The following SPTBN5 variants were observed in gnomAD, a reference collection of about 807,000 sequenced individuals.
The protein encoded by SPTBN5 is spectrin beta chain, non-erythrocytic 5.
In SPTBN5, 513 loss-of-function variants were observed where a neutral mutation model predicts 477.6. The ratio of observed to expected loss-of-function variants is 1.07; its 90% CI spans 1.00 to 1.16. The LOEUF (loss-of-function observed/expected upper bound fraction) is 1.16, where lower values mean the gene tolerates loss of function less well. Ranked by LOEUF, SPTBN5 falls within the 50% of genes most tolerant of loss-of-function variation. The pLI is 0.00. For missense variants in SPTBN5, 5,062 were observed against 4,731.8 expected, an observed-to-expected ratio of 1.07 and a Z score of -2.05; for synonymous variants, 2,169 against 2,011.7, an observed-to-expected ratio of 1.08 and a Z score of -2.09.
rs539678228 is a variant in SPTBN5, at chr15:41,855,210, C to A, written c.9423+14G>T. The stretch of plus-strand genomic sequence containing the variant: ...CTGCCCACTCCCCGTGAGGTTTGCT[C>A]AGGAGTAACTCACCTTGACACCCTC... On this transcript the variant is annotated intron_variant, in intron 55 of 67. Transcript: ENST00000320955. 10 of 1,601,306 alleles carry A rather than the reference C, an allele frequency of 6.2e-6. No homozygotes were observed. The Admixed American group carries it at 1.3e-4, about 22-fold the overall frequency.
rs2065789294 is a variant in SPTBN5 at position 41,852,266 on chromosome 15, A to C, written c.10500T>G (p.Ala3500=). The C allele has an allele frequency of 5.6e-6, 9 of 1,607,344 alleles. No homozygotes were observed. The highest frequency in any genetic ancestry group is 1.7e-5 in the Admixed American group (1 of 59,248). ...LQPQELKPGR[A]GSSLTSFQWR... ...ACTGAAAGGATGTCAGCGAGCTGCCAGCTCTCCCGGGCTTCAGCTCCTGTG... is the reference window on the plus strand; with the variant it reads ...ACTGAAAGGATGTCAGCGAGCTGCCCGCTCTCCCGGGCTTCAGCTCCTGTG... The change falls in exon 62 of 68, where the codon GCT becomes GCG. Residue 3500 remains alanine (A), a synonymous_variant. Coordinates refer to ENST00000320955, the MANE Select transcript of SPTBN5 (RefSeq NM_016642.4).
In SPTBN5 at chr15:41,874,215, A is replaced by G. The variant is rs1280144732; in HGVS notation, c.4689+77T>C. On this transcript the variant is annotated intron_variant, in intron 24 of 67. Coordinates refer to ENST00000320955, the MANE Select transcript of SPTBN5 (RefSeq NM_016642.4). ...GGGGTGAGGGCTTAGAGGCCAGGAC[A>G]CCTGAGTAGGGGCAGAGGGTTTCTA... 2.0e-6 allele frequency: 3 copies of G among 1,536,746 alleles called. No homozygotes were observed. In the African/African-American group the frequency reaches 4.1e-5, roughly 21 times the overall value.
Position 41,881,147 on chromosome 15 carries a change from C to T in SPTBN5, c.2545G>A (p.Ala849Thr), listed in dbSNP as rs746907642. ...TCAGCTGGGAGGGCCATCTTCCAGG[C>T]ATCCCCAGGGCCAGGGTGGCAGGAA... ...EASCHPGPGD[A>T]WKMALPAEPD... Residue 849 changes from alanine to threonine, a missense_variant, in exon 13 of 68, where the codon GCC (alanine) becomes ACC (threonine). Physicochemically the swap from Ala to Thr is moderately conservative, Grantham distance 58. Coordinates refer to ENST00000320955, the MANE Select transcript of SPTBN5 (RefSeq NM_016642.4). 8 of 1,613,642 alleles carry T rather than the reference C, an allele frequency of 5.0e-6. No homozygotes were observed. In the Admixed American group the frequency reaches 6.7e-5, roughly 13 times the overall value.
rs1001247548 is a variant in SPTBN5 at position 41,880,318 on chromosome 15, G to A, written c.2659-6C>T. 1.3e-6 allele frequency: 2 copies of A among 1,596,220 alleles called. No individual in the cohort carries two copies. Among genetic ancestry groups the A allele is most frequent in the Non-Finnish European group, 1.7e-6 (2 of 1,172,690 alleles). On this transcript the variant is annotated splice_polypyrimidine_tract_variant and splice_region_variant and intron_variant, in intron 13 of 67. Coordinates refer to ENST00000320955, the MANE Select transcript of SPTBN5 (RefSeq NM_016642.4). ...TCCAACCGGGCCCTGCGGAGCTGGGGAGAGGTGGCCCAAGGCTGGGGTGAG... is the reference window on the plus strand; with the variant it reads ...TCCAACCGGGCCCTGCGGAGCTGGGAAGAGGTGGCCCAAGGCTGGGGTGAG...
In SPTBN5 at chr15:41,851,281, A is replaced by G. The variant is rs899321103; in HGVS notation, c.10743+2T>C. On this transcript the variant is annotated splice_donor_variant, in intron 64 of 67. Transcript: ENST00000320955. LOFTEE classifies it high-confidence loss of function. ...CTGCATCTCCCCTACCCCGCCTGGT[A>G]CCTCCGCTGCCATCCTCTCATCCAG... 6.4e-7 allele frequency: 1 copy of G among 1,550,842 alleles called. No homozygotes were observed. The highest frequency in any genetic ancestry group is 8.7e-7 in the Non-Finnish European group (1 of 1,146,938).
Position 41,854,127 on chromosome 15 carries a change from C to A in SPTBN5, c.9697G>T (p.Ala3233Ser). The change falls in exon 57 of 68, where the codon GCC (alanine) becomes TCC (serine). Residue 3233 changes from alanine (A) to serine (S), a missense_variant. Coordinates refer to ENST00000320955, the MANE Select transcript of SPTBN5 (RefSeq NM_016642.4). ...CCTCCGTCCTCCCCCTTCATCAGGG[C>A]CGTCTTCTCCTGCATCCTTCCCTGG... Reference protein sequence around the residue: ...ELQGRMQEKTALMKGEDGGHS... With the variant: ...ELQGRMQEKTSLMKGEDGGHS... The A allele has an allele frequency of 6.3e-7, 1 of 1,590,738 alleles. No individual in the cohort carries two copies. Among genetic ancestry groups the A allele is most frequent in the Non-Finnish European group, 8.6e-7 (1 of 1,169,260 alleles).
chr15:41,866,038 C>T lies in SPTBN5; in HGVS notation c.6822G>A (p.Lys2274=), dbSNP rs1336287881. The part of the protein sequence containing the change: ...VDLAEAWIQE[K]EVKMNVGDLG... ...AGCCCCCACCCAGCTGGGGCTACAC[C>T]TTCTCCTGGATCCAGGCCTCTGCAA... The change falls in exon 38 of 68, where the codon AAG becomes AAA. Residue 2274 remains lysine (K), a splice_region_variant and synonymous_variant. Coordinates refer to ENST00000320955, the MANE Select transcript of SPTBN5 (RefSeq NM_016642.4). 18 of 1,552,940 alleles carry T rather than the reference C, an allele frequency of 1.2e-5. No individual in the cohort carries two copies. Among genetic ancestry groups the T allele is most frequent in the Non-Finnish European group, 1.3e-5 (15 of 1,148,602 alleles).
intron 34 of SPTBN5, 93 bp downstream of exon 34, chr15:41,867,976 C>G: frequency 2.1e-6 from 3 of 1,441,522 alleles, no homozygotes; most frequent in East Asian, 2.4e-5. Context: ...AGAGAAAAAG[C>G]CAGAGAGGCA....
At chr15:41,882,951 C>A in intron 9 of SPTBN5, 45 bp downstream of exon 9, 1 of 1,506,932 alleles carries the variant, frequency 6.6e-7, no homozygotes, top group Non-Finnish European at 8.9e-7. Context: ...ATTTGGGTTA[C>A]AGAAAAGTTC....
At chr15:41,890,054 T>G in intron 4 of SPTBN5, 35 bp downstream of exon 4, 1 of 1,460,872 alleles carries the variant, frequency 6.8e-7, no homozygotes, top group South Asian at 1.2e-5. Flanking sequence ...CTGGGCTGGG[T>G]CACCAGGTGC....
chr15:41,852,561 G>A, intron 61 of SPTBN5, 73 bp downstream of exon 61: 1 of 1,486,164 alleles, frequency 6.7e-7, no homozygotes, highest in Non-Finnish European at 9.4e-7. Flanking sequence ...AGTGCCCTGG[G>A]AGACACTGAC....
rs1038636228 is a variant in SPTBN5 at position 41,875,593 on chromosome 15, G to T, written c.4152C>A (p.Pro1384=). The part of the protein sequence containing the change: ...QVGRELLSRR[P]CGQEDIQTRL... ...TGGTCTGTATGTCCTCCTGGCCACA[G>T]GGCCTCCTACTCAACAGCTCTCTCC... The change falls in exon 22 of 68, where the codon CCC becomes CCA. Residue 1384 remains proline, a synonymous_variant. Transcript: ENST00000320955. The T allele has an allele frequency of 8.1e-6, 13 of 1,599,690 alleles. No homozygotes were observed. The highest frequency in any genetic ancestry group is 1.0e-5 in the Non-Finnish European group (12 of 1,173,276).
At position 41,876,215 on chromosome 15, in the gene SPTBN5, G is replaced by T; in HGVS notation, c.4021C>A (p.Pro1341Thr). ...AGGATGTTTCTGCGCGCTCCGGAGG[G>T]CTCATGCGCAGCCATCAGCCCCTTC... ...EEKGLMAAHE[P>T]SGARRNILQT... is the part of the protein sequence containing the mutation. The change falls in exon 21 of 68, where the codon CCC becomes ACC. Residue 1341 changes from proline (P) to threonine (T), a missense_variant. Physicochemically the swap from Pro to Thr is conservative, Grantham distance 38 (BLOSUM62 -1). Transcript: ENST00000320955. 6.2e-7 allele frequency: 1 copy of T among 1,604,270 alleles called. No homozygotes were observed.
intron 4 of SPTBN5, among the ~76,000 whole-genome samples, chr15:41,888,724 G>A (rs1029208171): frequency 2.0e-5 from 3 of 152,256 alleles, no homozygotes; most frequent in Non-Finnish European, 4.4e-5. Flanking sequence ...GCCTCCCAAA[G>A]TGCTGGAATT....
At chr15:41,869,386 C>T (rs2066453485) in intron 32 of SPTBN5, among the ~76,000 whole-genome samples, 1 of 152,200 alleles carries the variant, frequency 6.6e-6, no homozygotes, top group Admixed American at 6.5e-5. Flanking sequence ...CTCTGGGTTT[C>T]GGGCTCATCT....
rs946307907 is a variant in SPTBN5, at chr15:41,859,107, T to C, written c.7989-127A>G. 9.2e-6 allele frequency: 6 copies of C among 655,322 alleles called. No individual in the cohort carries two copies. In the African/African-American group the frequency reaches 9.3e-5, roughly 10 times the overall value. The allele number at this position is 655,322 out of a possible 1,614,324, so 40.6% of individuals were successfully genotyped here. A position where few individuals can be genotyped will look rare whatever the true frequency, so the allele number is the denominator to read the frequency against. ...GAGTTTCCTTTGGAATAAAGGTACA[T>C]TGCACTCCCCCTCTGTATTTGTGTC... On this transcript the variant is annotated intron_variant, in intron 47 of 67. Transcript: ENST00000320955.
rs12442525 is a variant in SPTBN5, at chr15:41,857,308, G to T, written c.8551C>A (p.Gln2851Lys). The change falls in exon 51 of 68, where the codon CAG becomes AAG. Residue 2851 changes from glutamine to lysine, a missense_variant. Physicochemically the swap from Gln to Lys is moderately conservative, Grantham distance 53. Transcript: ENST00000320955. The stretch of plus-strand genomic sequence containing the variant: ...CAGTGGCCTTCCCTCACAAAGGCCT[G>T]GGCCTGGCCCAGCAGTGCCTCAGCC... Reference protein sequence around the residue: ...RQAEALLGQAQAFVREGHCLA... With the variant: ...RQAEALLGQAKAFVREGHCLA... 13 of 1,568,460 alleles carry T rather than the reference G, an allele frequency of 8.3e-6. No homozygotes were observed. The highest frequency in any genetic ancestry group is 4.7e-5 in the East Asian group (2 of 42,252).
In SPTBN5 at chr15:41,861,737, G is replaced by A. The variant is rs1271258956; in HGVS notation, c.7735C>T (p.Gln2579Ter). 7 of 1,543,156 alleles carry A rather than the reference G, an allele frequency of 4.5e-6. No homozygotes were observed. Among genetic ancestry groups the A allele is most frequent in the South Asian group, 2.4e-5 (2 of 84,156 alleles). Reference sequence around the variant, plus strand: ...GCTGGGGATGGGACTGTGCCTGCCTGTAGCTCCAGGGCCTGCTGCAGCTGT... The same window carrying A: ...GCTGGGGATGGGACTGTGCCTGCCTATAGCTCCAGGGCCTGCTGCAGCTGT... ...QLQLQQALEL[Q>*]LFLSSVEKME... is the part of the protein sequence containing the mutation. Residue 2579 changes from glutamine to a stop codon, truncating the protein, a stop_gained and splice_region_variant, in exon 45 of 68, where the codon CAG (glutamine) becomes TAG (stop). Transcript: ENST00000320955. LOFTEE classifies it high-confidence loss of function.
At chr15:41,853,142 T>G in intron 59 of SPTBN5, 116 bp downstream of exon 59, 1 of 1,473,406 alleles carries the variant, frequency 6.8e-7, no homozygotes, top group African/African-American at 1.4e-5. Context: ...CCTCTCTCCC[T>G]GCCTGCGCCC....
Sources: gnomAD v4.1 joint callset for allele counts (sites outside exome capture counted in the v4.1 genomes callset) on GRCh38, gnomAD v4.1.1 for gene constraint, MANE v1.5 for transcripts, NCBI Gene and HGNC (gene_info 2026-07-23, HGNC 2026-07-21) for gene names.